FBXL5: variants seen among roughly 807,000 people sequenced by gnomAD.
FBXL5 encodes the protein F-box and leucine rich repeat protein 5.
In FBXL5, 26 loss-of-function variants were observed where a neutral mutation model predicts 78.3. The observed-to-expected ratio is 0.33, with a 90% confidence interval of 0.24 to 0.46. FBXL5 has a LOEUF of 0.46. Among genes scored for constraint, FBXL5 ranks in the 20% least tolerant of loss-of-function variants. FBXL5 has a pLI of 1.00. For synonymous variants in FBXL5, 295 were observed against 282.5 expected, an observed-to-expected ratio of 1.04 and a Z score of -0.45; for missense variants, 710 against 829.2, an observed-to-expected ratio of 0.86 and a Z score of 1.77.
chr4:15,678,397 C>A (rs568365410), intron 1 of FBXL5, among the ~76,000 whole-genome samples: 2 of 152,132 alleles, frequency 1.3e-5, no homozygotes, highest in African/African-American at 4.8e-5. Flanking sequence ...GAAACAAAAA[C>A]AAATGAAAAC....
chr4:15,661,089 AAGTT>A (rs1305135941), upstream of FBXL5, among the ~76,000 whole-genome samples: 48 of 152,210 alleles, frequency 3.2e-4, no homozygotes, highest in South Asian at 1.0e-3. Flanking sequence ...AAAAAAAAAA[AAGTT>A]AGGTAACCTT....
At chr4:15,674,205 T>TG (rs61639463) in intron 1 of FBXL5, among the ~76,000 whole-genome samples, 8 of 57,698 alleles carry the variant, frequency 1.4e-4, no homozygotes, top group Non-Finnish European at 2.8e-4. Context: ...ATGCATCGTG[T>TG]TTTTTTTTTT....
At chr4:15,658,040 C>G (rs970387641), upstream of FBXL5, among the ~76,000 whole-genome samples, 1 of 152,228 alleles carries the variant, frequency 6.6e-6, no homozygotes, top group African/African-American at 2.4e-5. Flanking sequence ...CATTCTCTCT[C>G]TGGCAACCTA....
chr4:15,644,448 G>C, intron 2 of FBXL5, 45 bp downstream of exon 2: 2 of 1,510,092 alleles, frequency 1.3e-6, no homozygotes, highest in Non-Finnish European at 1.8e-6. Context: ...TATACCAGAA[G>C]ATGGCACAAG....
rs536913718 is a variant in FBXL5, at chr4:15,628,138, A to G, written c.893-105T>C. ...ATATGACATACTTTGTGCTATCCTTATACTTTCTTATGTAAACCATCCCAT... is the reference window on the plus strand; with the variant it reads ...ATATGACATACTTTGTGCTATCCTTGTACTTTCTTATGTAAACCATCCCAT... On this transcript the variant is annotated intron_variant, in intron 6 of 10. Coordinates refer to ENST00000341285, the MANE Select transcript of FBXL5 (RefSeq NM_012161.4). 3.4e-5 allele frequency: 38 copies of G among 1,102,552 alleles called. No homozygotes were observed. In the East Asian group the frequency reaches 9.2e-4, roughly 27 times the overall value. 68.3% of individuals were successfully genotyped at this position (1,102,552 alleles called of 1,614,324 possible). A position where few individuals can be genotyped will look rare whatever the true frequency, so the allele number is the denominator to read the frequency against.
At chr4:15,652,210 T>A (rs1306388780) in intron 1 of FBXL5, among the ~76,000 whole-genome samples, 1 of 152,158 alleles carries the variant, frequency 6.6e-6, no homozygotes, top group Non-Finnish European at 1.5e-5. Context: ...TTTACTAACA[T>A]CATCCCAGTC....
At chr4:15,621,154 G>A (rs937008512) in intron 9 of FBXL5, among the ~76,000 whole-genome samples, 3 of 152,048 alleles carry the variant, frequency 2.0e-5, no homozygotes, top group Non-Finnish European at 2.9e-5. Flanking sequence ...GTCTATTTTG[G>A]AAAATCAGAA....
upstream of FBXL5, among the ~76,000 whole-genome samples, chr4:15,662,452 C>T (rs935704940): frequency 6.6e-6 from 1 of 152,142 alleles, no homozygotes; most frequent in African/African-American, 2.4e-5. Context: ...GTGTAATAGG[C>T]TTTCACAGTA....
intron 1 of FBXL5, among the ~76,000 whole-genome samples, chr4:15,676,432 T>C (rs966399240): frequency 1.1e-4 from 17 of 151,670 alleles, no homozygotes; most frequent in African/African-American, 4.1e-4. Context: ...CTACAACAAA[T>C]AAATGTCAAC....
intron 1 of FBXL5, among the ~76,000 whole-genome samples, chr4:15,647,992 G>T (rs1229872413): frequency 6.6e-6 from 1 of 152,146 alleles, no homozygotes; most frequent in Non-Finnish European, 1.5e-5. Context: ...CGAATAGCTG[G>T]AACTACAGGT....
Position 15,626,878 on chromosome 4 carries a change from A to G in FBXL5, c.1119T>C (p.Phe373=). 1 of 1,606,998 alleles carries G rather than the reference A, an allele frequency of 6.2e-7. No individual in the cohort carries two copies. The highest frequency in any genetic ancestry group is 8.5e-7 in the Non-Finnish European group (1 of 1,176,040). The change falls in exon 8 of 11, where the codon TTT becomes TTC. Residue 373 remains phenylalanine (F), a synonymous_variant. Coordinates refer to ENST00000341285, the MANE Select transcript of FBXL5 (RefSeq NM_012161.4). ...LTQTDISDSA[F]DSWSWLGCCQ... ...AATTGTTTAAAATAACTAACCTGTCAAATGCAGAATCTGAAATGTCAGTCT... is the reference window on the plus strand; with the variant it reads ...AATTGTTTAAAATAACTAACCTGTCGAATGCAGAATCTGAAATGTCAGTCT...
intron 1 of FBXL5, among the ~76,000 whole-genome samples, chr4:15,654,547 T>G (rs956320887): frequency 1.5e-4 from 23 of 152,186 alleles, no homozygotes; most frequent in African/African-American, 5.3e-4. Flanking sequence ...CCAGTAAGTG[T>G]TCAGGGCAAT....
At chr4:15,626,387 T>C (rs946223055) in intron 8 of FBXL5, among the ~76,000 whole-genome samples, 19 of 152,160 alleles carry the variant, frequency 1.2e-4, no homozygotes, top group Non-Finnish European at 5.9e-5. Flanking sequence ...CCTCTTCCTC[T>C]GCAGCAGGAA....
upstream of FBXL5, among the ~76,000 whole-genome samples, chr4:15,662,256 G>A: frequency 6.6e-6 from 1 of 152,094 alleles, no homozygotes; most frequent in South Asian, 2.1e-4. Context: ...CTTTATTTAG[G>A]GGCATAGGCT....
chr4:15,621,451 T>C (rs1175141984), intron 9 of FBXL5, among the ~76,000 whole-genome samples: 1 of 152,226 alleles, frequency 6.6e-6, no homozygotes, highest in African/African-American at 2.4e-5. Context: ...AGTAAATATT[T>C]ATATGCCAAC....
At chr4:15,670,276 C>G (rs1482135078) in intron 1 of FBXL5, among the ~76,000 whole-genome samples, 4 of 152,144 alleles carry the variant, frequency 2.6e-5, no homozygotes, top group Non-Finnish European at 5.9e-5. Context: ...TGGGTAAATA[C>G]CTAGGAGTAG....
At chr4:15,617,545 CAAAAAA>C (rs34036474) in intron 9 of FBXL5, among the ~76,000 whole-genome samples, 1 of 114,334 alleles carries the variant, frequency 8.7e-6, no homozygotes, top group Non-Finnish European at 1.8e-5. Context: ...CTCCATGTCT[CAAAAAA>C]AAAAAAAAAA....
intron 1 of FBXL5, among the ~76,000 whole-genome samples, chr4:15,648,094 C>T (rs1022835712): frequency 1.3e-5 from 2 of 152,078 alleles, no homozygotes; most frequent in African/African-American, 2.4e-5. Flanking sequence ...TGGCTTCAAG[C>T]GATCCTCCTG....
At chr4:15,627,001 T>A in intron 7 of FBXL5, 46 bp from the exon 8 acceptor site, 2 of 1,264,658 alleles carry the variant, frequency 1.6e-6, no homozygotes, top group Non-Finnish European at 2.3e-6. Context: ...AGAACTTCAG[T>A]TAGCTAAGTA....
Sources: allele counts gnomAD v4.1 joint callset (sites outside exome capture counted in the v4.1 genomes callset), GRCh38; gene constraint gnomAD v4.1.1; transcripts MANE v1.5; gene names NCBI Gene and HGNC (gene_info 2026-07-23, HGNC 2026-07-21).